The following WDR43 variants were observed in gnomAD, a reference collection of about 807,000 sequenced individuals.
The protein encoded by WDR43 is WD repeat-containing protein 43.
A neutral mutation model predicts 91.4 loss-of-function variants in WDR43; 13 were observed. That is an observed-to-expected ratio of 0.14 (90% CI 0.09 to 0.23). WDR43 has a LOEUF of 0.23. WDR43 is among the 10% of genes least tolerant of loss of function. WDR43 has a pLI of 1.00. For synonymous variants in WDR43, 331 were observed against 287.9 expected, an observed-to-expected ratio of 1.15 and a Z score of -1.51; for missense variants, 780 against 809.4, an observed-to-expected ratio of 0.96 and a Z score of 0.44.
intron 11 of WDR43, among the ~76,000 whole-genome samples, chr2:28,931,460 T>G (rs186971160): frequency 6.6e-6 from 1 of 152,220 alleles, no homozygotes; most frequent in Non-Finnish European, 1.5e-5. Flanking sequence ...TCTTGCAATT[T>G]AGTTTTTTGG....
intron 7 of WDR43, among the ~76,000 whole-genome samples, chr2:28,924,281 A>G (rs1486520170): frequency 6.6e-6 from 1 of 152,232 alleles, no homozygotes; most frequent in Admixed American, 6.5e-5. Flanking sequence ...AATGACCTCA[A>G]GCCACTGAAA....
intron 10 of WDR43, chr2:28,927,929 C>T (rs531935619): frequency 3.8e-6 from 2 of 524,084 alleles, no homozygotes; most frequent in South Asian, 2.8e-5. Context: ...GCTGTTTTGG[C>T]CATTAGTTAG....
chr2:28,927,765 AGT>A, intron 10 of WDR43, 65 bp downstream of exon 10: 2 of 1,601,342 alleles, frequency 1.2e-6, no homozygotes, highest in Non-Finnish European at 1.7e-6. Flanking sequence ...AATTCTAACA[AGT>A]GTGTTGGATA....
chr2:28,926,387 T>G (rs1164775520), intron 8 of WDR43, 81 bp from the exon 9 acceptor site: 1 of 1,008,312 alleles, frequency 9.9e-7, no homozygotes, highest in African/African-American at 1.6e-5. Context: ...TTCATTTTGT[T>G]CTTATTCCCA....
At chr2:28,937,231 AG>A (rs1161309187) in intron 13 of WDR43, among the ~76,000 whole-genome samples, 1 of 152,182 alleles carries the variant, frequency 6.6e-6, no homozygotes, top group African/African-American at 2.4e-5. Flanking sequence ...TGCTGCTTAT[AG>A]TACCTGCCGA....
rs775865144 is a variant in WDR43, at chr2:28,894,736, C to T, written c.38C>T (p.Ala13Val). The part of the protein sequence containing the change: ...AGGGGSCDPL[A>V]PAGVPCAFSP... ...GGCGGCGGTAGCTGCGACCCCCTGG[C>T]CCCTGCTGGGGTCCCTTGCGCCTTC... is the stretch of plus-strand genomic sequence containing the variant. The change falls in exon 1 of 18, where the codon GCC becomes GTC. Residue 13 changes from alanine to valine, a missense_variant. Transcript: ENST00000407426. 1.0e-5 allele frequency: 16 copies of T among 1,585,484 alleles called. No individual in the cohort carries two copies. The highest frequency in any genetic ancestry group is 1.3e-5 in the African/African-American group (1 of 74,340).
chr2:28,917,742 T>C (rs867480135), intron 5 of WDR43, 151 bp from the exon 6 acceptor site: 10 of 673,306 alleles, frequency 1.5e-5, no homozygotes, highest in Middle Eastern at 4.9e-4. Flanking sequence ...GCTTCCGTTG[T>C]TTTGATCTTT....
At chr2:28,913,271 A>T (rs2148184767) in intron 4 of WDR43, among the ~76,000 whole-genome samples, 1 of 152,154 alleles carries the variant, frequency 6.6e-6, no homozygotes, top group South Asian at 2.1e-4. Flanking sequence ...GGTTTTTTTA[A>T]AATTTAAATT....
intron 2 of WDR43, among the ~76,000 whole-genome samples, chr2:28,906,073 A>G (rs1318438720): frequency 6.6e-6 from 1 of 152,190 alleles, no homozygotes; most frequent in East Asian, 1.9e-4. Flanking sequence ...TCTAGGGTTC[A>G]TATTATCATA....
intron 9 of WDR43, 119 bp from the exon 10 acceptor site, chr2:28,927,450 G>A (rs2148192420): frequency 1.7e-6 from 2 of 1,170,972 alleles, no homozygotes; most frequent in South Asian, 3.3e-5. Context: ...TTGATATCAA[G>A]TTAATTATAT....
intron 14 of WDR43, among the ~76,000 whole-genome samples, chr2:28,939,737 TTTAAAG>T (rs1477661198): frequency 1.3e-5 from 2 of 152,326 alleles, no homozygotes; most frequent in Admixed American, 1.3e-4. Flanking sequence ...CTGTCTGCTG[TTTAAAG>T]TTAACATTTG....
Position 28,947,661 on chromosome 2 carries a change from A to G in WDR43, c.*882A>G, listed in dbSNP as rs1045167445. The G allele has an allele frequency of 6.6e-6, 1 of 151,972 alleles. No homozygotes were observed. The highest frequency in any genetic ancestry group is 1.5e-5 in the Non-Finnish European group (1 of 67,976). The allele number at this position is 151,972 out of a possible 1,614,324, so 9.4% of individuals were successfully genotyped here. On this transcript the variant is annotated 3_prime_UTR_variant, in exon 18 of 18. Transcript: ENST00000407426. The stretch of plus-strand genomic sequence containing the variant: ...TTTTTCTCTTTGGTTTTAGATATTA[A>G]TGATAACCTTGTTGGAATTTTTTTT...
At chr2:28,919,714 A>G (rs1670985400) in intron 6 of WDR43, among the ~76,000 whole-genome samples, 1 of 152,214 alleles carries the variant, frequency 6.6e-6, no homozygotes, top group South Asian at 2.1e-4. Flanking sequence ...ATTTAATGTT[A>G]TTATAAAGTT....
At chr2:28,937,576 A>G (rs1418275916) in intron 13 of WDR43, among the ~76,000 whole-genome samples, 1 of 152,100 alleles carries the variant, frequency 6.6e-6, no homozygotes, top group Non-Finnish European at 1.5e-5. Flanking sequence ...TTTTATGTTT[A>G]TTGTTAACAT....
chr2:28,895,118 G>A (rs779786624), intron 1 of WDR43, 195 bp downstream of exon 1: 5 of 451,570 alleles, frequency 1.1e-5, no homozygotes, highest in Non-Finnish European at 1.8e-5. Context: ...AGTGAGGGAG[G>A]GCGCAGCTCG....
intron 12 of WDR43, among the ~76,000 whole-genome samples, chr2:28,936,656 T>C (rs1203918204): frequency 2.0e-5 from 3 of 152,214 alleles, no homozygotes; most frequent in Non-Finnish European, 4.4e-5. Flanking sequence ...CCATTCTTCC[T>C]TCTCCCCAGT....
At chr2:28,911,751 C>T (rs1367116463) in intron 3 of WDR43, among the ~76,000 whole-genome samples, 1 of 151,888 alleles carries the variant, frequency 6.6e-6, no homozygotes, top group African/African-American at 2.4e-5. Flanking sequence ...ACCATCTCAG[C>T]CTCCAGAGTA....
intron 11 of WDR43, among the ~76,000 whole-genome samples, chr2:28,933,384 CA>C (rs1671283938): frequency 6.6e-6 from 1 of 152,054 alleles, no homozygotes; most frequent in Non-Finnish European, 1.5e-5. Flanking sequence ...AAAATCAATG[CA>C]AAATAGACCA....
rs537520590 is a variant in WDR43 at position 28,924,839 on chromosome 2, C to T, written c.915-143C>T. 21 of 865,384 alleles carry T rather than the reference C, an allele frequency of 2.4e-5. No homozygotes were observed. In the South Asian group the frequency reaches 3.8e-4, roughly 16 times the overall value. The allele number at this position is 865,384 out of a possible 1,614,324, so 53.6% of individuals were successfully genotyped here. A position where few individuals can be genotyped will look rare whatever the true frequency, so the allele number is the denominator to read the frequency against. On this transcript the variant is annotated intron_variant, in intron 7 of 17. Coordinates refer to ENST00000407426, the MANE Select transcript of WDR43 (RefSeq NM_015131.3). ...TAGGTGAGGTCTTGAAAGGAGTACT[C>T]ATGCTCCGGAGACCCAGGTGACTCC...
Sources: allele counts gnomAD v4.1 joint callset (sites outside exome capture counted in the v4.1 genomes callset), GRCh38; gene constraint gnomAD v4.1.1; transcripts MANE v1.5; gene names NCBI Gene and HGNC (gene_info 2026-07-23, HGNC 2026-07-21).